Variants in ITGA9 observed in about 807,000 individuals in gnomAD.
The protein encoded by ITGA9 is integrin subunit alpha 9, also known as integrin alpha-9.
In ITGA9, 56 loss-of-function variants were observed where a neutral mutation model predicts 127.8. The ratio of observed to expected loss-of-function variants is 0.44; its 90% CI spans 0.35 to 0.55. The LOEUF (loss-of-function observed/expected upper bound fraction) is 0.55. Among genes scored for constraint, ITGA9 ranks in the 20% least tolerant of loss-of-function variants. The pLI, the probability that ITGA9 is intolerant of heterozygous loss-of-function variation, is 0.00. For synonymous variants in ITGA9, 508 were observed against 514.5 expected, an observed-to-expected ratio of 0.99 and a Z score of 0.17; for missense variants, 1,196 against 1,347.1, an observed-to-expected ratio of 0.89 and a Z score of 1.76.
chr3:37,497,484 T>C (rs1026976970), intron 5 of ITGA9, among the ~76,000 whole-genome samples: 1 of 152,238 alleles, frequency 6.6e-6, no homozygotes, highest in Admixed American at 6.5e-5. Flanking sequence ...ATACTTATAT[T>C]TTCAATATAC....
intron 16 of ITGA9, among the ~76,000 whole-genome samples, chr3:37,636,346 T>A (rs1700278467): frequency 6.6e-6 from 1 of 152,238 alleles, no homozygotes; most frequent in Non-Finnish European, 1.5e-5. Flanking sequence ...AGATGGTATC[T>A]CATTGTGGTT....
chr3:37,618,015 T>C (rs1575168963), intron 15 of ITGA9, among the ~76,000 whole-genome samples: 1 of 152,372 alleles, frequency 6.6e-6, no homozygotes, highest in East Asian at 1.9e-4. Context: ...GGAGCTGCGT[T>C]CCTTTGGAGG....
chr3:37,612,998 A>G (rs927779990), intron 15 of ITGA9, among the ~76,000 whole-genome samples: 1 of 150,876 alleles, frequency 6.6e-6, no homozygotes, highest in Non-Finnish European at 1.5e-5. Flanking sequence ...GTTTTAGGGT[A>G]CATGTGCACA....
chr3:37,466,483 C>CAAAAAAAAAAAAAAAA lies in ITGA9; in HGVS notation c.186-4509_186-4494dup, dbSNP rs60980366. On this transcript the variant is annotated intron_variant, in intron 1 of 27. Transcript: ENST00000264741. Reference sequence around the variant, plus strand: ...TGGGTAACAGAGCAAGACACCATCTCAAAAAAAAAAAAAAAAAAAAAAAAA... The same window carrying CAAAAAAAAAAAAAAAA: ...TGGGTAACAGAGCAAGACACCATCTCAAAAAAAAAAAAAAAAAAAAAAAAAAAAAAAAAAAAAAAAA... Among the ~76,000 whole-genome samples, 64 of 26,064 alleles carry CAAAAAAAAAAAAAAAA rather than the reference C, an allele frequency of 2.5e-3. 16 individuals carry two copies. The highest frequency in any genetic ancestry group is 3.3e-3 in the Non-Finnish European group (56 of 16,990). The allele number at this position is 26,064 out of a possible 152,430, so 17.1% of individuals were successfully genotyped here.
chr3:37,816,584 T>C lies in ITGA9; in HGVS notation c.3010-2307T>C, dbSNP rs575433839. Among the ~76,000 whole-genome samples the C allele has an allele frequency of 1.2e-4, 18 of 152,338 alleles. No individual in the cohort carries two copies. In the South Asian group the frequency reaches 3.7e-3, roughly 32 times the overall value. ...CAGTCTTGGTCCGTTTTTCTGGCCT[T>C]CTGTGGGTGTGCTGTGGGGATGATG... On this transcript the variant is annotated intron_variant, in intron 27 of 27. Transcript: ENST00000264741.
chr3:37,765,001 GTCT>G (rs1696763845), intron 23 of ITGA9, among the ~76,000 whole-genome samples: 1 of 152,148 alleles, frequency 6.6e-6, no homozygotes, highest in African/African-American at 2.4e-5. Flanking sequence ...CTTATCATCA[GTCT>G]TCTTCCACCA....
At chr3:37,754,871 C>G (rs1275765788) in intron 23 of ITGA9, among the ~76,000 whole-genome samples, 1 of 152,138 alleles carries the variant, frequency 6.6e-6, no homozygotes. Flanking sequence ...AGTGGGACTG[C>G]TCACATCCCT....
chr3:37,523,580 AG>A lies in ITGA9; in HGVS notation c.1298del (p.Gly433AlafsTer57). 1 of 1,613,768 alleles carries A rather than the reference AG, an allele frequency of 6.2e-7. No homozygotes were observed. Among genetic ancestry groups the A allele is most frequent in the Non-Finnish European group, 8.5e-7 (1 of 1,179,712 alleles). On this transcript the variant is annotated frameshift_variant, in exon 12 of 28. Coordinates refer to ENST00000264741, the MANE Select transcript of ITGA9 (RefSeq NM_002207.3). LOFTEE classifies it high-confidence loss of function. ...GGATGTTTGGTCAGTCCATATCGGG[AG>A]GCATTGATATGGATGGAAATGGCTA... The part of the protein sequence containing the change: ...LRMFGQSISG[G>X]IDMDGNGYPD...
chr3:37,708,916 A>G (rs1191145361), intron 18 of ITGA9, among the ~76,000 whole-genome samples: 1 of 152,232 alleles, frequency 6.6e-6, no homozygotes, highest in African/African-American at 2.4e-5. Context: ...AAGCAGCACA[A>G]TACAGTGGTT....
intron 17 of ITGA9, among the ~76,000 whole-genome samples, chr3:37,676,475 C>T (rs555463069): frequency 3.3e-5 from 5 of 152,238 alleles, no homozygotes; most frequent in African/African-American, 1.2e-4. Context: ...AGGGTTGCTG[C>T]AGAGCATGTC....
chr3:37,579,763 T>C (rs994650923), intron 15 of ITGA9, among the ~76,000 whole-genome samples: 1 of 152,148 alleles, frequency 6.6e-6, no homozygotes, highest in African/African-American at 2.4e-5. Flanking sequence ...CCTAGGCCAT[T>C]TGGAAGCCAG....
At chr3:37,569,003 T>C (rs1033885399) in intron 15 of ITGA9, among the ~76,000 whole-genome samples, 1 of 152,216 alleles carries the variant, frequency 6.6e-6, no homozygotes, top group Non-Finnish European at 1.5e-5. Flanking sequence ...GTTTTCACAC[T>C]GCTGATAAAG....
At chr3:37,480,073 G>A (rs1698536278) in intron 3 of ITGA9, among the ~76,000 whole-genome samples, 1 of 152,196 alleles carries the variant, frequency 6.6e-6, no homozygotes, top group Non-Finnish European at 1.5e-5. Context: ...AGTGAGTAGT[G>A]AATGCCCAGG....
chr3:37,459,045 A>G (rs1698289525), intron 1 of ITGA9, among the ~76,000 whole-genome samples: 1 of 152,208 alleles, frequency 6.6e-6, no homozygotes, highest in African/African-American at 2.4e-5. Flanking sequence ...GATTGGGAAA[A>G]ATCTACAGTC....
chr3:37,773,229 G>A (rs1439040598), intron 23 of ITGA9, among the ~76,000 whole-genome samples: 1 of 152,236 alleles, frequency 6.6e-6, no homozygotes, highest in African/African-American at 2.4e-5. Context: ...ATTTTAATGA[G>A]GGATGGATGC....
chr3:37,565,362 G>A (rs1699535368), intron 15 of ITGA9, among the ~76,000 whole-genome samples: 1 of 152,144 alleles, frequency 6.6e-6, no homozygotes, highest in Non-Finnish European at 1.5e-5. Context: ...TGGTGTTAGT[G>A]GTCAGGCAAA....
chr3:37,614,185 C>G (rs1700051561), intron 15 of ITGA9, among the ~76,000 whole-genome samples: 2 of 152,092 alleles, frequency 1.3e-5, no homozygotes, highest in Admixed American at 1.3e-4. Flanking sequence ...CTACATATGG[C>G]TAGCCAGTTT....
chr3:37,747,716 C>CTTTTTTTTTTT (rs56897652), intron 22 of ITGA9, among the ~76,000 whole-genome samples: 13 of 140,006 alleles, frequency 9.3e-5, no homozygotes, highest in East Asian at 2.0e-4. Context: ...CCTTTTTTTT[C>CTTTTTTTTTTT]TTTTTTTTTT....
chr3:37,614,064 C>T (rs997397511), intron 15 of ITGA9, among the ~76,000 whole-genome samples: 2 of 152,124 alleles, frequency 1.3e-5, no homozygotes, highest in African/African-American at 4.8e-5. Context: ...AATGGTGTTG[C>T]CTAGGTTTTC....
Sources: allele counts gnomAD v4.1 joint callset (sites outside exome capture counted in the v4.1 genomes callset), GRCh38; gene constraint gnomAD v4.1.1; transcripts MANE v1.5; gene names NCBI Gene and HGNC (gene_info 2026-07-23, HGNC 2026-07-21).